CDH10: variants seen among roughly 807,000 people sequenced by gnomAD.
CDH10 encodes cadherin-10.
Under a neutral mutation model 73.1 loss-of-function variants are expected in CDH10, and 30 were observed. The ratio of observed to expected loss-of-function variants is 0.41; its 90% CI spans 0.31 to 0.56. The LOEUF is 0.56. Ranked by LOEUF, CDH10 falls within the 20% of genes least tolerant of loss-of-function variation. The pLI is 0.27. For missense variants in CDH10, 815 were observed against 973.7 expected, an observed-to-expected ratio of 0.84 and a Z score of 2.17; for synonymous variants, 345 against 348.2, an observed-to-expected ratio of 0.99 and a Z score of 0.10.
At position 24,560,938 on chromosome 5, in the gene CDH10, C is replaced by T. The variant is rs1744938013; in HGVS notation, c.232-23264G>A. On this transcript the variant is annotated intron_variant, in intron 2 of 11. Coordinates refer to ENST00000264463, the MANE Select transcript of CDH10 (RefSeq NM_006727.5). ...GATTATATAATACTAGACTTGAATT[C>T]TAGCTATGTAATTTATTAGCTAAAT... Among the ~76,000 whole-genome samples the T allele has an allele frequency of 2.0e-5, 3 of 152,080 alleles. No homozygotes were observed. The South Asian group carries it at 6.2e-4, about 32-fold the overall frequency.
intron 11 of CDH10, among the ~76,000 whole-genome samples, chr5:24,490,388 A>C (rs1742006641): frequency 6.6e-6 from 1 of 151,656 alleles, no homozygotes; most frequent in African/African-American, 2.4e-5. Flanking sequence ...TAGTACAGAG[A>C]AAAGTTTTGT....
intron 2 of CDH10, among the ~76,000 whole-genome samples, chr5:24,562,747 C>A (rs1745005079): frequency 6.6e-6 from 1 of 152,070 alleles, no homozygotes; most frequent in Non-Finnish European, 1.5e-5. Flanking sequence ...ACTAGAGATC[C>A]TAACCACTGG....
intron 1 of CDH10, among the ~76,000 whole-genome samples, chr5:24,618,167 C>A (rs1035638117): frequency 1.3e-5 from 2 of 151,894 alleles, no homozygotes; most frequent in African/African-American, 4.8e-5. Context: ...AAGAATGGAC[C>A]ATTATTATTA....
intron 2 of CDH10, among the ~76,000 whole-genome samples, chr5:24,551,413 AT>A (rs1170742617): frequency 7.9e-5 from 12 of 152,166 alleles, no homozygotes; most frequent in Admixed American, 2.0e-4. Context: ...AGTTTGAGGT[AT>A]TTTTTTAACA....
chr5:24,607,418 A>T (rs9293141), intron 1 of CDH10, among the ~76,000 whole-genome samples: 42,633 of 152,002 alleles, frequency 0.28, 6,753 homozygotes, highest in African/African-American at 0.43. Flanking sequence ...AACTTAACAG[A>T]GTCGCATTAT....
At chr5:24,504,517 T>TTTTTTTTTTTTTAAGA (rs1742617262) in intron 8 of CDH10, among the ~76,000 whole-genome samples, 1 of 33,770 alleles carries the variant, frequency 3.0e-5, no homozygotes, top group Non-Finnish European at 7.7e-5. Context: ...TTTTTTTTTT[T>TTTTTTTTTTTTTAAGA]TTTTTTTTTT....
chr5:24,585,374 G>C (rs1579844262), intron 2 of CDH10, among the ~76,000 whole-genome samples: 2 of 152,040 alleles, frequency 1.3e-5, no homozygotes, highest in Admixed American at 1.3e-4. Flanking sequence ...GCCTCTAGAA[G>C]GGTCATAGTC....
intron 9 of CDH10, among the ~76,000 whole-genome samples, chr5:24,495,018 T>C (rs1196212807): frequency 6.6e-6 from 1 of 152,146 alleles, no homozygotes; most frequent in Non-Finnish European, 1.5e-5. Context: ...AATTTACCTC[T>C]CAATCTAGTC....
chr5:24,626,874 A>C (rs570774252), intron 1 of CDH10, among the ~76,000 whole-genome samples: 1 of 81,112 alleles, frequency 1.2e-5, no homozygotes, highest in Non-Finnish European at 3.3e-5. Context: ...GTGTATATAT[A>C]AGTGTATATA....
chr5:24,490,062 T>C (rs1488236048), intron 11 of CDH10, among the ~76,000 whole-genome samples: 1 of 152,168 alleles, frequency 6.6e-6, no homozygotes, highest in Non-Finnish European at 1.5e-5. Flanking sequence ...AAAAAGGTTG[T>C]CATGGCAAAG....
chr5:24,623,164 A>G (rs1260180651), intron 1 of CDH10, among the ~76,000 whole-genome samples: 1 of 152,202 alleles, frequency 6.6e-6, no homozygotes, highest in East Asian at 1.9e-4. Context: ...GCAGCCTCAC[A>G]GCACTCATTC....
intron 2 of CDH10, among the ~76,000 whole-genome samples, chr5:24,563,027 T>A (rs943480107): frequency 1.3e-5 from 2 of 152,196 alleles, no homozygotes; most frequent in Non-Finnish European, 2.9e-5. Context: ...TAATTTGTTA[T>A]CATAATCCAA....
intron 1 of CDH10, among the ~76,000 whole-genome samples, chr5:24,627,834 A>G (rs1186595854): frequency 3.9e-5 from 6 of 152,136 alleles, no homozygotes; most frequent in Non-Finnish European, 5.9e-5. Flanking sequence ...AGCTTTACAT[A>G]TACGAACAGT....
In CDH10 at chr5:24,495,161, A is replaced by G. The variant is rs190892547; in HGVS notation, c.1516-2236T>C. ...ATTATTTTCCCTGGCTCTTTCTATA[A>G]GCATCCACTGTTTTGTTTTTGTTCT... On this transcript the variant is annotated intron_variant, in intron 9 of 11. Coordinates refer to ENST00000264463, the MANE Select transcript of CDH10 (RefSeq NM_006727.5). Among the ~76,000 whole-genome samples the G allele has an allele frequency of 4.1e-3, 630 of 152,296 alleles. 1 individual carries two copies. The highest frequency in any genetic ancestry group is 8.2e-3 in the Admixed American group (125 of 15,292).
intron 1 of CDH10, among the ~76,000 whole-genome samples, chr5:24,640,568 T>C (rs1243063566): frequency 6.6e-6 from 1 of 151,672 alleles, no homozygotes; most frequent in South Asian, 2.1e-4. Flanking sequence ...ATTGAAATCA[T>C]GTGATTTCGT....
chr5:24,598,694 A>G (rs1746457703), intron 1 of CDH10, among the ~76,000 whole-genome samples: 3 of 152,098 alleles, frequency 2.0e-5, no homozygotes, highest in African/African-American at 4.8e-5. Flanking sequence ...TAAGTTATCA[A>G]CCATTGCTAG....
chr5:24,525,082 T>C (rs1045718770), intron 5 of CDH10, among the ~76,000 whole-genome samples: 5 of 152,040 alleles, frequency 3.3e-5, no homozygotes, highest in African/African-American at 1.2e-4. Flanking sequence ...TAATAGGTGA[T>C]TTAAGAGATG....
At chr5:24,488,291 CAGTT>C in intron 11 of CDH10, 138 bp from the exon 12 acceptor site, 3 of 755,054 alleles carry the variant, frequency 4.0e-6, no homozygotes, top group Non-Finnish European at 6.2e-6. Flanking sequence ...GTGCTTCCCA[CAGTT>C]TGGGGGAGGT....
At chr5:24,536,815 G>C (rs1049466564) in intron 3 of CDH10, among the ~76,000 whole-genome samples, 1 of 151,468 alleles carries the variant, frequency 6.6e-6, no homozygotes, top group Non-Finnish European at 1.5e-5. Context: ...TTTTCAACTG[G>C]TTTTTTTCGA....
Sources: allele counts gnomAD v4.1 joint callset (sites outside exome capture counted in the v4.1 genomes callset), GRCh38; gene constraint gnomAD v4.1.1; transcripts MANE v1.5; gene names NCBI Gene and HGNC (gene_info 2026-07-23, HGNC 2026-07-21).